The following COL5A1 variants were observed in gnomAD, a reference collection of about 807,000 sequenced individuals.
COL5A1 encodes the protein collagen alpha-1(V) chain.
COL5A1 carries 16 observed loss-of-function variants against 263.7 expected under a neutral mutation model. The ratio of observed to expected loss-of-function variants is 0.06; its 90% CI spans 0.04 to 0.09. The LOEUF is 0.09. Ranked by LOEUF, COL5A1 falls within the 10% of genes least tolerant of loss-of-function variation. The probability of loss-of-function intolerance (pLI) is 1.00; values close to 1 mark genes in which losing one functional copy is unlikely to be tolerated. For missense variants in COL5A1, 2,036 were observed against 2,540.5 expected (o/e 0.80, Z 4.27); for synonymous variants, 1,012 against 1,004.5 (o/e 1.01, Z -0.14).
intron 34 of COL5A1, among the ~76,000 whole-genome samples, chr9:134,795,687 C>T (rs886140400): frequency 4.6e-5 from 7 of 152,224 alleles, no homozygotes; most frequent in African/African-American, 1.7e-4. Context: ...GAGGCCTCTA[C>T]CAGAACCTAC....
At position 134,641,912 on chromosome 9, in the gene COL5A1, A is replaced by T; in HGVS notation, c.-276A>T. On this transcript the variant is annotated 5_prime_UTR_variant, in exon 1 of 66. Transcript: ENST00000371817. ...CGAGGAGGAGGCGAGAAGGAGTTGG[A>T]GGAGGAGGAGGAGGAGGCGAGGGCG... The T allele has an allele frequency of 6.1e-6, 2 of 325,298 alleles. No homozygotes were observed. 20.2% of individuals were successfully genotyped at this position (325,298 alleles called of 1,614,324 possible).
Position 134,679,339 on chromosome 9 carries a change from T to G in COL5A1, c.110-11573T>G, listed in dbSNP as rs1212071454. ...GGCTAGGGGGCACTGCAGGGCTTAT[T>G]AGGGGGCACTGCAGAGCTAGTTGGG... On this transcript the variant is annotated intron_variant, in intron 1 of 65. Coordinates refer to ENST00000371817, the MANE Select transcript of COL5A1 (RefSeq NM_000093.5). Among the ~76,000 whole-genome samples the G allele has an allele frequency of 2.5e-3, 269 of 105,984 alleles. 2 individuals carry two copies. Among genetic ancestry groups the G allele is most frequent in the African/African-American group, 9.7e-3 (259 of 26,742 alleles). 69.5% of individuals were successfully genotyped at this position (105,984 alleles called of 152,430 possible).
In COL5A1 at chr9:134,818,545, G is replaced by T. The variant is rs955729500; in HGVS notation, c.4231-111G>T. On this transcript the variant is annotated intron_variant, in intron 54 of 65. Transcript: ENST00000371817. The surrounding 1 kb of genome is among the most constrained non-coding windows in gnomAD (Gnocchi z 6.0). The stretch of plus-strand genomic sequence containing the variant: ...AGAATTAGGGCAACCCCGGATATGG[G>T]GTCACCTGGGACTCCTCCAGAGGTG... The T allele has an allele frequency of 3.6e-5, 27 of 760,220 alleles. No homozygotes were observed. Among genetic ancestry groups the T allele is most frequent in the Non-Finnish European group, 6.1e-5 (27 of 439,176 alleles). The allele number at this position is 760,220 out of a possible 1,614,324, so 47.1% of individuals were successfully genotyped here.
At chr9:134,711,718 G>A (rs552695145) in intron 4 of COL5A1, among the ~76,000 whole-genome samples, 1 of 152,200 alleles carries the variant, frequency 6.6e-6, no homozygotes, top group African/African-American at 2.4e-5. Flanking sequence ...GAGGGGCACG[G>A]CTTGGGGTCC....
chr9:134,693,124 A>G (rs1287715886), intron 2 of COL5A1, among the ~76,000 whole-genome samples: 3 of 152,166 alleles, frequency 2.0e-5, no homozygotes, highest in African/African-American at 4.8e-5. Flanking sequence ...CAGTTTCTGC[A>G]TAGCAGGCTC....
At chr9:134,820,039 G>A (rs889004893) in intron 57 of COL5A1, 77 bp from the exon 58 acceptor site, 39 of 1,022,846 alleles carry the variant, frequency 3.8e-5, no homozygotes, top group Middle Eastern at 2.0e-4. Flanking sequence ...GCTGTGCTGC[G>A]TGCTAACTGG....
chr9:134,823,277 C>G (rs1304626297), intron 60 of COL5A1, 139 bp from the exon 61 acceptor site: 1 of 1,053,876 alleles, frequency 9.5e-7, no homozygotes, highest in Non-Finnish European at 1.5e-6. Context: ...ACAGGGGTCT[C>G]TGCCATTCTC....
intron 48 of COL5A1, 70 bp downstream of exon 48, chr9:134,812,782 G>GTC: frequency 9.4e-7 from 1 of 1,060,030 alleles, no homozygotes; most frequent in Middle Eastern, 2.9e-4. Context: ...GTCTGTGTGT[G>GTC]TGTGTCTGTG....
In COL5A1 at chr9:134,754,012, G is replaced by A. The variant is rs57113733; in HGVS notation, c.1773+109G>A. ...CTGCTGCATGTTTTCAAGGAAATTC[G>A]TGGGAATTGTCCTTGCTTTACGCAG... On this transcript the variant is annotated intron_variant, in intron 15 of 65. Coordinates refer to ENST00000371817, the MANE Select transcript of COL5A1 (RefSeq NM_000093.5). This position sits in a 1 kb window ranked among gnomAD's most constrained non-coding sequence, Gnocchi z 4.3. The A allele has an allele frequency of 4.5e-4, 475 of 1,058,886 alleles. 3 individuals are homozygous for A. The East Asian group carries it at 9.3e-3, about 21-fold the overall frequency. The allele number at this position is 1,058,886 out of a possible 1,614,324, so 65.6% of individuals were successfully genotyped here.
chr9:134,814,127 C>A (rs1838648742), intron 49 of COL5A1, 91 bp downstream of exon 49: 1 of 1,307,096 alleles, frequency 7.7e-7, no homozygotes, highest in Non-Finnish European at 1.1e-6. Context: ...TCTGCCTTAG[C>A]TTTTCCATCC....
chr9:134,823,084 C>G, intron 60 of COL5A1, 51 bp downstream of exon 60: 1 of 1,598,198 alleles, frequency 6.3e-7, no homozygotes, highest in Non-Finnish European at 8.6e-7. Flanking sequence ...TAGGGGAGGG[C>G]GACGGGTCCC....
chr9:134,653,881 T>C (rs1194917985), intron 1 of COL5A1, among the ~76,000 whole-genome samples: 1 of 145,324 alleles, frequency 6.9e-6, no homozygotes. Flanking sequence ...TCTGTAGGGC[T>C]GGTGTCTGTA....
At chr9:134,702,754 G>A (rs1833717046) in intron 4 of COL5A1, among the ~76,000 whole-genome samples, 1 of 152,238 alleles carries the variant, frequency 6.6e-6, no homozygotes, top group Non-Finnish European at 1.5e-5. Flanking sequence ...GCTGGCCTCA[G>A]GGCAAGCCCA....
rs1324968855 is a variant in COL5A1 at position 134,681,761 on chromosome 9, C to T, written c.110-9151C>T. ...CTGGCTCTAAAATTAGAGTTCTAGC[C>T]CGAGAATTGTGAAGACCTCAAGCTT... On this transcript the variant is annotated intron_variant, in intron 1 of 65. Transcript: ENST00000371817. This position sits in a 1 kb window ranked among gnomAD's most constrained non-coding sequence, Gnocchi z 4.3. Among the ~76,000 whole-genome samples the T allele has an allele frequency of 2.6e-5, 4 of 152,158 alleles. No homozygotes were observed. Among genetic ancestry groups the T allele is most frequent in the Non-Finnish European group, 2.9e-5 (2 of 68,028 alleles).
intron 1 of COL5A1, among the ~76,000 whole-genome samples, chr9:134,688,084 C>T (rs2132546143): frequency 6.6e-6 from 1 of 152,314 alleles, no homozygotes; most frequent in South Asian, 2.1e-4. Flanking sequence ...TTAATGTTTT[C>T]CTCTGCTCTG....
chr9:134,822,983 C>G lies in COL5A1; in HGVS notation c.4609-15C>G. On this transcript the variant is annotated splice_polypyrimidine_tract_variant and intron_variant, in intron 59 of 65. Coordinates refer to ENST00000371817, the MANE Select transcript of COL5A1 (RefSeq NM_000093.5). ...AGACCCGGCTTGCTGACGTTCTGCC[C>G]TCCTCTCTCTGCAGGGTCCGCCTGG... The G allele has an allele frequency of 6.2e-7, 1 of 1,614,058 alleles. No homozygotes were observed. The highest frequency in any genetic ancestry group is 8.5e-7 in the Non-Finnish European group (1 of 1,179,990).
chr9:134,835,645 T>C (rs1839827043), intron 65 of COL5A1, among the ~76,000 whole-genome samples: 1 of 152,140 alleles, frequency 6.6e-6, no homozygotes, highest in African/African-American at 2.4e-5. Flanking sequence ...AGTTGCCAGC[T>C]CTCCGGACAG....
At chr9:134,748,332 CAT>C (rs1835646962) in intron 11 of COL5A1, among the ~76,000 whole-genome samples, 2 of 152,156 alleles carry the variant, frequency 1.3e-5, no homozygotes, top group Non-Finnish European at 2.9e-5. Context: ...CATGCACACA[CAT>C]GCATTCACAC....
At chr9:134,795,365 G>A (rs1308498545) in intron 34 of COL5A1, 50 bp downstream of exon 34, 2 of 1,564,354 alleles carry the variant, frequency 1.3e-6, no homozygotes, top group Middle Eastern at 1.7e-4. Context: ...CAAGTTGCAA[G>A]GCTACAGAGA....
Sources: allele counts gnomAD v4.1 joint callset (sites outside exome capture counted in the v4.1 genomes callset), GRCh38; gene constraint gnomAD v4.1.1; non-coding constraint Gnocchi (gnomAD v3.1); transcripts MANE v1.5; gene names NCBI Gene and HGNC (gene_info 2026-07-23, HGNC 2026-07-21).